The following MBD5 variants were observed in gnomAD, a reference collection of about 807,000 sequenced individuals.
The protein encoded by MBD5 is methyl-CpG binding domain protein 5, also known as methyl-CpG-binding domain protein 5.
In MBD5, 13 loss-of-function variants were observed where a neutral mutation model predicts 117.3. That is an observed-to-expected ratio of 0.11 (90% confidence interval 0.07 to 0.18). MBD5 has a LOEUF of 0.18. Among genes scored for constraint, MBD5 ranks in the 10% least tolerant of loss-of-function variants. MBD5 has a pLI of 1.00. For synonymous variants in MBD5, 727 were observed against 766.4 expected, an observed-to-expected ratio of 0.95 and a Z score of 0.85; for missense variants, 1,879 against 2,093.8, an observed-to-expected ratio of 0.90 and a Z score of 2.00.
At chr2:148,231,553 T>G (rs903662697) in intron 2 of MBD5, among the ~76,000 whole-genome samples, 4 of 151,972 alleles carry the variant, frequency 2.6e-5, no homozygotes, top group East Asian at 1.9e-4. Context: ...GTGCTTTTTT[T>G]TGTGTAGATA....
intron 3 of MBD5, among the ~76,000 whole-genome samples, chr2:148,330,052 A>C (rs71350080): frequency 0.82 from 17,100 of 20,912 alleles, 6,981 homozygotes; most frequent in Middle Eastern, 0.96. Flanking sequence ...CGCCCCCCCC[A>C]CACACACACA....
At chr2:148,104,018 C>G (rs1408863612) in intron 1 of MBD5, among the ~76,000 whole-genome samples, 2 of 152,114 alleles carry the variant, frequency 1.3e-5, no homozygotes, top group Non-Finnish European at 2.9e-5. Context: ...GTACCCTACT[C>G]TTCCCTTTCC....
At chr2:148,226,806 T>G (rs1202814630) in intron 2 of MBD5, among the ~76,000 whole-genome samples, 2 of 152,252 alleles carry the variant, frequency 1.3e-5, no homozygotes, top group African/African-American at 4.8e-5. Flanking sequence ...ATCACTATTC[T>G]AACTGGTGTG....
intron 2 of MBD5, among the ~76,000 whole-genome samples, chr2:148,197,646 T>A (rs553203643): frequency 6.6e-6 from 1 of 152,176 alleles, no homozygotes; most frequent in Non-Finnish European, 1.5e-5. Flanking sequence ...ATTCTATTAA[T>A]AAAGTATGAT....
intron 1 of MBD5, among the ~76,000 whole-genome samples, chr2:148,126,834 TGA>T (rs1256295470): frequency 1.3e-5 from 2 of 152,156 alleles, no homozygotes; most frequent in African/African-American, 4.8e-5. Context: ...GCACTTTTAT[TGA>T]GAGAGAGAAT....
intron 11 of MBD5, among the ~76,000 whole-genome samples, chr2:148,496,654 A>G (rs1681712076): frequency 6.6e-6 from 1 of 152,172 alleles, no homozygotes; most frequent in Non-Finnish European, 1.5e-5. Context: ...AATTCTATCT[A>G]TGTGTTGTGG....
At chr2:148,122,837 G>T (rs1005945400) in intron 1 of MBD5, among the ~76,000 whole-genome samples, 2 of 152,170 alleles carry the variant, frequency 1.3e-5, no homozygotes, top group African/African-American at 4.8e-5. Flanking sequence ...ATGCTTTATA[G>T]AGTTAAGTCT....
intron 1 of MBD5, among the ~76,000 whole-genome samples, chr2:148,033,141 G>T (rs1378959411): frequency 6.6e-6 from 1 of 152,090 alleles, no homozygotes; most frequent in Non-Finnish European, 1.5e-5. Context: ...AAGGAGAGTA[G>T]AAGTATCACA....
chr2:148,258,687 GAC>G (rs1331028532), intron 3 of MBD5, among the ~76,000 whole-genome samples: 1 of 152,216 alleles, frequency 6.6e-6, no homozygotes, highest in Admixed American at 6.5e-5. Context: ...CTGCTCCAGA[GAC>G]AACTGTCTCC....
intron 1 of MBD5, among the ~76,000 whole-genome samples, chr2:148,093,452 A>T (rs564883403): frequency 6.6e-6 from 1 of 152,240 alleles, no homozygotes; most frequent in African/African-American, 2.4e-5. Flanking sequence ...ATGTCTGATG[A>T]GGCAGGTTTT....
At chr2:148,280,580 C>T (rs1025469041) in intron 3 of MBD5, among the ~76,000 whole-genome samples, 5 of 152,016 alleles carry the variant, frequency 3.3e-5, no homozygotes, top group Admixed American at 6.6e-5. Context: ...CTCAGGTGTG[C>T]GCTCCCTGCC....
chr2:148,182,159 C>G (rs1488983592), intron 2 of MBD5, among the ~76,000 whole-genome samples: 14 of 152,108 alleles, frequency 9.2e-5, no homozygotes, highest in Admixed American at 9.2e-4. Context: ...TTAATACTTA[C>G]AAAATGTTTT....
intron 11 of MBD5, among the ~76,000 whole-genome samples, chr2:148,491,645 T>C (rs1246150650): frequency 6.6e-6 from 1 of 152,048 alleles, no homozygotes; most frequent in African/African-American, 2.4e-5. Flanking sequence ...TCCTAAAACC[T>C]TGCTCATAAT....
intron 3 of MBD5, among the ~76,000 whole-genome samples, chr2:148,336,479 T>C (rs753274170): frequency 2.7e-4 from 41 of 152,250 alleles, no homozygotes; most frequent in South Asian, 1.0e-3. Context: ...CTCCACCTCC[T>C]GGGCTCAAAC....
intron 3 of MBD5, among the ~76,000 whole-genome samples, chr2:148,256,078 G>A (rs1036647283): frequency 1.1e-4 from 16 of 152,204 alleles, no homozygotes; most frequent in South Asian, 6.2e-4. Flanking sequence ...CTTTGGCAGC[G>A]GCCCGATGTA....
intron 2 of MBD5, among the ~76,000 whole-genome samples, chr2:148,232,536 T>A (rs1270421483): frequency 6.6e-6 from 1 of 152,104 alleles, no homozygotes; most frequent in African/African-American, 2.4e-5. Flanking sequence ...TGCAATGGCA[T>A]GATTGTAGTG....
chr2:148,087,654 C>T (rs1296399971), intron 1 of MBD5, among the ~76,000 whole-genome samples: 1 of 152,152 alleles, frequency 6.6e-6, no homozygotes, highest in Admixed American at 6.5e-5. Flanking sequence ...AGCCCCATTC[C>T]TAGGACAAAA....
chr2:148,445,007 C>A (rs1706444226), intron 4 of MBD5, among the ~76,000 whole-genome samples: 1 of 151,184 alleles, frequency 6.6e-6, no homozygotes. Context: ...ACATCCCTTG[C>A]TTGCTCCTTT....
intron 1 of MBD5, among the ~76,000 whole-genome samples, chr2:148,157,971 C>T (rs968427941): frequency 1.8e-4 from 27 of 151,986 alleles, no homozygotes; most frequent in Non-Finnish European, 2.4e-4. Flanking sequence ...CACAATATTG[C>T]GAATGTATTA....
Sources: allele counts gnomAD v4.1 joint callset (sites outside exome capture counted in the v4.1 genomes callset), GRCh38; gene constraint gnomAD v4.1.1; transcripts MANE v1.5; gene names NCBI Gene and HGNC (gene_info 2026-07-23, HGNC 2026-07-21).